Variants in ARHGEF10L observed in about 807,000 individuals in gnomAD.
ARHGEF10L encodes the protein Rho guanine nucleotide exchange factor 10 like, also known as rho guanine nucleotide exchange factor 10-like protein.
In ARHGEF10L, 69 loss-of-function variants were observed where a neutral mutation model predicts 141.2. That is an observed-to-expected ratio of 0.49 (90% CI 0.40 to 0.60). ARHGEF10L has a LOEUF of 0.60. ARHGEF10L is among the 20% of genes least tolerant of loss of function. The probability of loss-of-function intolerance (pLI) is 0.00; values close to 1 mark genes in which losing one functional copy is unlikely to be tolerated. For missense variants in ARHGEF10L, 1,482 were observed against 1,734.3 expected (o/e 0.85, Z 2.58); for synonymous variants, 711 against 718.5 (o/e 0.99, Z 0.17).
At chr1:17,646,549 C>T (rs55836024) in intron 21 of ARHGEF10L, among the ~76,000 whole-genome samples, 20,744 of 152,066 alleles carry the variant, frequency 0.14, 1,662 homozygotes, top group African/African-American at 0.19. Flanking sequence ...GGTGGGGGAG[C>T]GCCTACCTCC....
At position 17,664,512 on chromosome 1, in the gene ARHGEF10L, A is replaced by T. The variant is rs1212452094; in HGVS notation, c.2926A>T (p.Thr976Ser). 6.2e-7 allele frequency: 1 copy of T among 1,607,350 alleles called. No individual in the cohort carries two copies. ...GACTGTGGGGCCCGGGCCTGTCCGC[A>T]CCCTGTTGAGCCTGGAGGATGCCGT... is the stretch of plus-strand genomic sequence containing the variant. ...CLTVGPGPVR[T>S]LLSLEDAVWA... Residue 976 changes from threonine to serine, a missense_variant, in exon 26 of 29, where the codon ACC becomes TCC. This residue lies in a region of ARHGEF10L where 858 missense variants were observed against 966.3 expected (regional missense o/e 0.89). Coordinates refer to ENST00000361221, the MANE Select transcript of ARHGEF10L (RefSeq NM_018125.4).
In ARHGEF10L at chr1:17,576,057, C is replaced by G. The variant is rs202132069; in HGVS notation, c.-43-4496C>G. 4.0e-4 allele frequency among the ~76,000 whole-genome samples: 61 copies of G among 152,300 alleles called. No individual in the cohort carries two copies. The East Asian group carries it at 0.011, about 29-fold the overall frequency. ...TGTTAGAGAAAGAGGCCGGCCTTTC[C>G]TGTCCTCAAGGCACGACTTGCGCAG... On this transcript the variant is annotated intron_variant, in intron 1 of 28. Coordinates refer to ENST00000361221, the MANE Select transcript of ARHGEF10L (RefSeq NM_018125.4).
At chr1:17,631,000 T>A (rs1270339317) in intron 15 of ARHGEF10L, among the ~76,000 whole-genome samples, 1 of 151,840 alleles carries the variant, frequency 6.6e-6, no homozygotes, top group East Asian at 1.9e-4. Flanking sequence ...TCTGTCCTTT[T>A]CTGTCCTGGG....
At chr1:17,572,043 T>C (rs1039463555) in intron 1 of ARHGEF10L, among the ~76,000 whole-genome samples, 1 of 152,174 alleles carries the variant, frequency 6.6e-6, no homozygotes, top group Non-Finnish European at 1.5e-5. Flanking sequence ...AGTGATGGGA[T>C]GGGCAGGGGA....
At chr1:17,585,783 A>G (rs781525967) in intron 2 of ARHGEF10L, among the ~76,000 whole-genome samples, 6 of 152,088 alleles carry the variant, frequency 3.9e-5, no homozygotes, top group Non-Finnish European at 7.4e-5. Flanking sequence ...CCATCTGCCC[A>G]TCTCTCTGTT....
intron 2 of ARHGEF10L, among the ~76,000 whole-genome samples, chr1:17,583,196 T>G (rs2078730045): frequency 8.5e-6 from 1 of 118,016 alleles, no homozygotes; most frequent in South Asian, 3.1e-4. Flanking sequence ...CAGAGTGAGC[T>G]TCATTTAAAA....
the ARHGEF10L span, among the ~76,000 whole-genome samples, chr1:17,525,362 G>A: frequency 6.6e-6 from 1 of 152,218 alleles, no homozygotes; most frequent in Non-Finnish European, 1.5e-5. Context: ...CTGGGGTGGG[G>A]GATGGGACCC....
chr1:17,588,399 G>A, intron 3 of ARHGEF10L, 47 bp from the exon 4 acceptor site: 1 of 1,610,670 alleles, frequency 6.2e-7, no homozygotes, highest in Non-Finnish European at 8.5e-7. Flanking sequence ...GAGTGCCTGG[G>A]GCCAGCCTCT....
intron 1 of ARHGEF10L, among the ~76,000 whole-genome samples, chr1:17,561,912 G>C (rs183028443): frequency 1.3e-5 from 2 of 152,344 alleles, no homozygotes; most frequent in East Asian, 3.9e-4. Flanking sequence ...GGTTCCAAGG[G>C]AGGCCGAGCA....
At chr1:17,602,371 C>T (rs922461502) in intron 5 of ARHGEF10L, among the ~76,000 whole-genome samples, 153 bp downstream of exon 5, 5 of 152,224 alleles carry the variant, frequency 3.3e-5, no homozygotes, top group Admixed American at 6.5e-5. Flanking sequence ...AACCACCGCC[C>T]CCAAGAGCCA....
Position 17,623,010 on chromosome 1 carries a change from C to T in ARHGEF10L, c.1035C>T (p.Pro345=), listed in dbSNP as rs116778810. 490 of 1,613,374 alleles carry T rather than the reference C, an allele frequency of 3.0e-4. 2 individuals are homozygous for T. In the East Asian group the frequency reaches 1.0e-2, roughly 33 times the overall value. The change falls in exon 12 of 29, where the codon CCC becomes CCT. Residue 345 remains proline, a synonymous_variant. Coordinates refer to ENST00000361221, the MANE Select transcript of ARHGEF10L (RefSeq NM_018125.4). The surrounding 1 kb of genome is among the most constrained non-coding windows in gnomAD (Gnocchi z 4.7). The part of the protein sequence containing the change: ...LKRILQDYRN[P]LMEMEPKALS... ...CTCCCCGGCAGGACTACCGCAACCC[C>T]CTGATGGAGATGGAGCCCAAGGCGC...
intron 19 of ARHGEF10L, 151 bp downstream of exon 19, chr1:17,638,154 G>A: frequency 1.4e-6 from 1 of 739,162 alleles, no homozygotes; most frequent in East Asian, 2.8e-5. Flanking sequence ...TGTCGCTGCT[G>A]AAGCTCCATG....
At chr1:17,581,611 C>T (rs2078573412) in intron 2 of ARHGEF10L, among the ~76,000 whole-genome samples, 3 of 152,074 alleles carry the variant, frequency 2.0e-5, no homozygotes, top group Non-Finnish European at 4.4e-5. Context: ...GAATCCTGAC[C>T]CTGCCACTTA....
At chr1:17,622,864 A>C in intron 11 of ARHGEF10L, 132 bp from the exon 12 acceptor site, 2 of 884,098 alleles carry the variant, frequency 2.3e-6, no homozygotes, top group Non-Finnish European at 3.4e-6. Context: ...AGGACGCATG[A>C]GGAGTGAGGG....
At chr1:17,670,273 C>A (rs2063238974) in intron 26 of ARHGEF10L, among the ~76,000 whole-genome samples, 1 of 152,224 alleles carries the variant, frequency 6.6e-6, no homozygotes, top group Non-Finnish European at 1.5e-5. Context: ...AGAGCTGGCA[C>A]CCGCGGTCTG....
intron 1 of ARHGEF10L, among the ~76,000 whole-genome samples, chr1:17,577,682 G>T (rs564284720): frequency 1.6e-4 from 25 of 152,210 alleles, no homozygotes; most frequent in Non-Finnish European, 3.4e-4. Flanking sequence ...CCAGATTCCA[G>T]CCCCAAAGGC....
chr1:17,588,521 G>A, intron 4 of ARHGEF10L, 42 bp downstream of exon 4: 1 of 1,613,242 alleles, frequency 6.2e-7, no homozygotes, highest in Non-Finnish European at 8.5e-7. Flanking sequence ...TTGGAAACAG[G>A]GAGACACCGG....
chr1:17,601,049 CAAA>C (rs55806926), intron 4 of ARHGEF10L, among the ~76,000 whole-genome samples: 2 of 51,158 alleles, frequency 3.9e-5, no homozygotes, highest in African/African-American at 6.5e-5. Context: ...GGCTCTGTCT[CAAA>C]AAAAAAAAAA....
the ARHGEF10L span, among the ~76,000 whole-genome samples, chr1:17,529,266 G>A: frequency 6.6e-6 from 1 of 152,178 alleles, no homozygotes; most frequent in Non-Finnish European, 1.5e-5. Flanking sequence ...GCCTCCCAAT[G>A]TGCTGGGTTT....
Sources: allele counts gnomAD v4.1 joint callset (sites outside exome capture counted in the v4.1 genomes callset), GRCh38; gene constraint gnomAD v4.1.1; regional missense constraint gnomAD v4.1.1; non-coding constraint Gnocchi (gnomAD v3.1); transcripts MANE v1.5; gene names NCBI Gene and HGNC (gene_info 2026-07-23, HGNC 2026-07-21).